CEP43: variants seen among roughly 807,000 people sequenced by gnomAD.
CEP43 encodes the protein centrosomal protein 43.
A neutral mutation model predicts 52.6 loss-of-function variants in CEP43; 36 were observed. The observed-to-expected ratio is 0.68, with a 90% CI of 0.52 to 0.90. CEP43 has a LOEUF of 0.90. Among genes scored for constraint, CEP43 ranks in the 40% least tolerant of loss-of-function variants. The pLI is 0.00. For synonymous variants in CEP43, 192 were observed against 172.4 expected (o/e 1.11, Z -0.89); for missense variants, 506 against 472.8 (o/e 1.07, Z -0.65).
rs1345018036 is a variant in CEP43, at chr6:167,045,489, T to C, written c.*5511T>C. 1 of 151,676 alleles carries C rather than the reference T, an allele frequency of 6.6e-6. No individual in the cohort carries two copies. The highest frequency in any genetic ancestry group is 1.5e-5 in the Non-Finnish European group (1 of 67,972). The allele number at this position is 151,676 out of a possible 1,614,324, so 9.4% of individuals were successfully genotyped here. On this transcript the variant is annotated 3_prime_UTR_variant, in exon 13 of 13. Transcript: ENST00000366847. The stretch of plus-strand genomic sequence containing the variant: ...GCTCACGCCTGTAATCCCAGCACTT[T>C]GGGAGGCCGAGGCAGGCGGATCACG...
chr6:167,025,578 A>G (rs1780336059), intron 9 of CEP43, among the ~76,000 whole-genome samples: 1 of 152,234 alleles, frequency 6.6e-6, no homozygotes, highest in Non-Finnish European at 1.5e-5. Flanking sequence ...AAGTAGATTC[A>G]CTAAGAATTT....
At position 167,045,362 on chromosome 6, in the gene CEP43, C is replaced by A. The variant is rs1265913527; in HGVS notation, c.*5384C>A. On this transcript the variant is annotated 3_prime_UTR_variant, in exon 13 of 13. Coordinates refer to ENST00000366847, the MANE Select transcript of CEP43 (RefSeq NM_007045.4). ...ATGGTGATCCGCACCCCTCCCCGCCCCCCCCGCGGCCCAGCCTCCCAAAGT... is the reference window on the plus strand; with the variant it reads ...ATGGTGATCCGCACCCCTCCCCGCCACCCCCGCGGCCCAGCCTCCCAAAGT... 6.6e-6 allele frequency: 1 copy of A among 151,368 alleles called. No individual in the cohort carries two copies. Among genetic ancestry groups the A allele is most frequent in the African/African-American group, 2.4e-5 (1 of 41,368 alleles). The allele number at this position is 151,368 out of a possible 1,614,324, so 9.4% of individuals were successfully genotyped here.
At chr6:167,034,003 T>C in intron 12 of CEP43, 32 bp downstream of exon 12, 2 of 952,604 alleles carry the variant, frequency 2.1e-6, no homozygotes, top group South Asian at 1.7e-5. Context: ...ATAGAGTGCT[T>C]TTTTTTTTTA....
chr6:167,040,042 T>TC lies in CEP43; in HGVS notation c.*64_*65insC. The TC allele has an allele frequency of 6.2e-7, 1 of 1,613,138 alleles. No homozygotes were observed. Among genetic ancestry groups the TC allele is most frequent in the African/African-American group, 1.3e-5 (1 of 74,912 alleles). ...GACTGACCGGTTCCATTTTTTTTTT[T>TC]TCCAGACAATCACTCAGCTGGAATG... On this transcript the variant is annotated 3_prime_UTR_variant, in exon 13 of 13. Transcript: ENST00000366847.
At chr6:167,034,609 C>T (rs895369100) in intron 12 of CEP43, among the ~76,000 whole-genome samples, 7 of 152,162 alleles carry the variant, frequency 4.6e-5, no homozygotes, top group African/African-American at 1.7e-4. Context: ...TGGGTGGGGA[C>T]TTGCTTTCCA....
At chr6:167,030,240 C>T (rs1780438800) in intron 10 of CEP43, among the ~76,000 whole-genome samples, 1 of 152,222 alleles carries the variant, frequency 6.6e-6, no homozygotes, top group Non-Finnish European at 1.5e-5. Flanking sequence ...CAGCCGTCCT[C>T]GCTGTCTCAG....
intron 7 of CEP43, among the ~76,000 whole-genome samples, chr6:167,016,315 A>G (rs990934995): frequency 2.0e-5 from 3 of 152,212 alleles, no homozygotes; most frequent in Non-Finnish European, 4.4e-5. Context: ...GCTGGAGTGC[A>G]GTGGTGTGAT....
In CEP43 at chr6:167,048,157, A is replaced by G. The variant is rs12528323; in HGVS notation, c.*8179A>G. On this transcript the variant is annotated 3_prime_UTR_variant, in exon 13 of 13. Transcript: ENST00000366847. ...TGTAATCCCAGCACTTACGGAGACCAAGGCGGGCAGATTGCTTGAGCTCAG... is the reference window on the plus strand; with the variant it reads ...TGTAATCCCAGCACTTACGGAGACCGAGGCGGGCAGATTGCTTGAGCTCAG... The G allele has an allele frequency of 0.38, 58,293 of 152,036 alleles. 11,265 individuals carry two copies. Among genetic ancestry groups the G allele is most frequent in the Middle Eastern group, 0.45 (131 of 294 alleles). 9.4% of individuals were successfully genotyped at this position (152,036 alleles called of 1,614,324 possible).
rs2114853228 is a variant in CEP43, at chr6:167,042,149, A to G, written c.*2171A>G. 1 of 1,008,962 alleles carries G rather than the reference A, an allele frequency of 9.9e-7. No individual in the cohort carries two copies. Among genetic ancestry groups the G allele is most frequent in the South Asian group, 4.7e-5 (1 of 21,484 alleles). 62.5% of individuals were successfully genotyped at this position (1,008,962 alleles called of 1,614,324 possible). ...CATCCATTTTATTGAATGATTTTGA[A>G]TGACTTAAAGTTCAACTATGAAAAA... On this transcript the variant is annotated 3_prime_UTR_variant, in exon 13 of 13. Coordinates refer to ENST00000366847, the MANE Select transcript of CEP43 (RefSeq NM_007045.4).
At chr6:167,007,581 A>G (rs1583270461) in intron 5 of CEP43, among the ~76,000 whole-genome samples, 1 of 151,814 alleles carries the variant, frequency 6.6e-6, no homozygotes, top group Non-Finnish European at 1.5e-5. Flanking sequence ...TTGGCCCTTC[A>G]TTATTTATTA....
intron 12 of CEP43, among the ~76,000 whole-genome samples, 164 bp downstream of exon 12, chr6:167,034,135 A>G (rs1780532631): frequency 6.6e-6 from 1 of 152,202 alleles, no homozygotes; most frequent in Admixed American, 6.5e-5. Context: ...TCTTTGATGA[A>G]TGTGTAAGAT....
At chr6:167,015,612 G>A (rs932524447) in intron 7 of CEP43, among the ~76,000 whole-genome samples, 5 of 152,222 alleles carry the variant, frequency 3.3e-5, no homozygotes, top group African/African-American at 4.8e-5. Context: ...GGAGGGCCTA[G>A]GGTACCGCTG....
chr6:167,022,763 G>A (rs1005507887), intron 8 of CEP43, 128 bp downstream of exon 8: 11 of 669,126 alleles, frequency 1.6e-5, no homozygotes, highest in Non-Finnish European at 2.8e-5. Context: ...CTGACTATGC[G>A]TTGTTAATGC....
intron 8 of CEP43, among the ~76,000 whole-genome samples, chr6:167,023,877 G>A (rs1780294336): frequency 6.6e-6 from 1 of 151,808 alleles, no homozygotes; most frequent in Non-Finnish European, 1.5e-5. Context: ...GTGCATTCAA[G>A]ACAGACAGGA....
rs184831506 is a variant in CEP43, at chr6:166,999,744, C to T, written c.102+230C>T. 2.3e-3 allele frequency: 1,154 copies of T among 507,636 alleles called. 5 individuals are homozygous for T. The highest frequency in any genetic ancestry group is 2.0e-3 in the Non-Finnish European group (585 of 291,858). 31.4% of individuals were successfully genotyped at this position (507,636 alleles called of 1,614,324 possible). ...CGCGGACTGGGGGTGCCTGGCCCAT[C>T]CCCTGCCTCATTCCGTGGGGGCGGG... is the stretch of plus-strand genomic sequence containing the variant. On this transcript the variant is annotated intron_variant, in intron 1 of 12. Transcript: ENST00000366847.
chr6:167,001,344 A>C (rs559188934), intron 2 of CEP43, among the ~76,000 whole-genome samples: 56 of 152,290 alleles, frequency 3.7e-4, no homozygotes, highest in African/African-American at 1.2e-3. Flanking sequence ...TTTGAGCTTG[A>C]AAACATGTTT....
intron 3 of CEP43, chr6:167,003,499 A>G (rs1045168466): frequency 2.5e-5 from 13 of 521,398 alleles, no homozygotes; most frequent in Non-Finnish European, 3.4e-5. Flanking sequence ...ACTGAAATCT[A>G]TGAGATGATT....
Position 167,003,186 on chromosome 6 carries a change from T to G in CEP43, c.157-7T>G. The stretch of plus-strand genomic sequence containing the variant: ...ACATGACACTTAAATTTTTTTTTTT[T>G]TAACAGAACAAAACTCCTTTAGTTA... On this transcript the variant is annotated splice_polypyrimidine_tract_variant and splice_region_variant and intron_variant, in intron 2 of 12. Coordinates refer to ENST00000366847, the MANE Select transcript of CEP43 (RefSeq NM_007045.4). The G allele has an allele frequency of 7.3e-7, 1 of 1,378,224 alleles. No homozygotes were observed. The highest frequency in any genetic ancestry group is 1.3e-5 in the South Asian group (1 of 75,208). The allele number at this position is 1,378,224 out of a possible 1,614,324, so 85.4% of individuals were successfully genotyped here. A position where few individuals can be genotyped will look rare whatever the true frequency, so the allele number is the denominator to read the frequency against.
In CEP43 at chr6:167,040,906, A is replaced by T. The variant is rs1780681268; in HGVS notation, c.*928A>T. The T allele has an allele frequency of 9.8e-7, 1 of 1,023,614 alleles. No homozygotes were observed. The allele number at this position is 1,023,614 out of a possible 1,614,324, so 63.4% of individuals were successfully genotyped here. On this transcript the variant is annotated 3_prime_UTR_variant, in exon 13 of 13. Coordinates refer to ENST00000366847, the MANE Select transcript of CEP43 (RefSeq NM_007045.4). ...ACATAATTTCATTGTAACCCTTAAA[A>T]ATAGAGCCAATAATAGAATTTCCAC...
Sources: allele counts gnomAD v4.1 joint callset (sites outside exome capture counted in the v4.1 genomes callset), GRCh38; gene constraint gnomAD v4.1.1; transcripts MANE v1.5; gene names NCBI Gene and HGNC (gene_info 2026-07-23, HGNC 2026-07-21).